The following CATIP variants were observed in gnomAD, a reference collection of about 807,000 sequenced individuals.
CATIP encodes the protein ciliogenesis-associated TTC17-interacting protein.
CATIP carries 40 observed loss-of-function variants against 42.5 expected under a neutral mutation model. That is an observed-to-expected ratio of 0.94 (90% CI 0.73 to 1.22). The LOEUF is 1.22. CATIP is among the 50% of genes most tolerant of loss of function. The probability of loss-of-function intolerance (pLI) is 0.00; values close to 1 mark genes in which losing one functional copy is unlikely to be tolerated. For missense variants in CATIP, 489 were observed against 496.0 expected (o/e 0.99, Z 0.13); for synonymous variants, 222 against 200.2 (o/e 1.11, Z -0.92).
chr2:218,360,412 A>T (rs1218046710), intron 4 of CATIP, among the ~76,000 whole-genome samples, 161 bp from the exon 5 acceptor site: 1 of 152,008 alleles, frequency 6.6e-6, no homozygotes, highest in Non-Finnish European at 1.5e-5. Flanking sequence ...GGCCTCCCAC[A>T]GTGCTAGGAT....
At chr2:218,362,242 A>G (rs1289496072) in intron 5 of CATIP, among the ~76,000 whole-genome samples, 1 of 151,530 alleles carries the variant, frequency 6.6e-6, no homozygotes, top group Non-Finnish European at 1.5e-5. Flanking sequence ...AATCCCAGCT[A>G]CTCAGGAGGC....
chr2:218,363,264 AG>A (rs770430689), intron 6 of CATIP, among the ~76,000 whole-genome samples: 81 of 146,108 alleles, frequency 5.5e-4, no homozygotes, highest in Non-Finnish European at 8.8e-4. Context: ...GCCGATCACA[AG>A]GTCAGGAGAT....
rs193069801 is a variant in CATIP, at chr2:218,366,591, G to A, written c.756-433G>A. The A allele has an allele frequency of 3.0e-3, 642 of 211,776 alleles. 3 individuals carry two copies. Among genetic ancestry groups the A allele is most frequent in the South Asian group, 4.6e-3 (81 of 17,444 alleles). The allele number at this position is 211,776 out of a possible 1,614,324, so 13.1% of individuals were successfully genotyped here. A position where few individuals can be genotyped will look rare whatever the true frequency, so the allele number is the denominator to read the frequency against. On this transcript the variant is annotated intron_variant, in intron 7 of 9. Coordinates refer to ENST00000289388, the MANE Select transcript of CATIP (RefSeq NM_198559.2). ...GAGGGAGGCAGAAGTAAAGAGGCCC[G>A]GGACAGGTCTCTCAAGGGGCACTGT...
In CATIP at chr2:218,367,478, A is replaced by G. The variant is rs1695493119; in HGVS notation, c.881A>G (p.Glu294Gly). 1.2e-6 allele frequency: 2 copies of G among 1,614,048 alleles called. No individual in the cohort carries two copies. Among genetic ancestry groups the G allele is most frequent in the African/African-American group, 1.3e-5 (1 of 74,918 alleles). ...TTTGAGAAGAAGCCCCTGGTATGGG[A>G]GGAGGATATGGAGCTCTATTCGAAG... is the stretch of plus-strand genomic sequence containing the variant. ...PVFEKKPLVWEEDMELYSKFL... is the reference protein window; with the variant it reads ...PVFEKKPLVWGEDMELYSKFL... Residue 294 changes from glutamate to glycine, a missense_variant, in exon 9 of 10, where the codon GAG (glutamate) becomes GGG (glycine). Coordinates refer to ENST00000289388, the MANE Select transcript of CATIP (RefSeq NM_198559.2).
Position 218,362,563 on chromosome 2 carries a change from C to A in CATIP, c.463-172C>A, listed in dbSNP as rs1482706254. Among the ~76,000 whole-genome samples, 12 of 151,236 alleles carry A rather than the reference C, an allele frequency of 7.9e-5. No homozygotes were observed. In the Admixed American group the frequency reaches 7.9e-4, roughly 10 times the overall value. ...CAGGAGATCGCTTGAACCAAGGAGG[C>A]GGAGGTTGCAGTGAGCTGAGACCAC... On this transcript the variant is annotated intron_variant, in intron 5 of 9. Transcript: ENST00000289388.
intron 8 of CATIP, 55 bp from the exon 9 acceptor site, chr2:218,367,375 T>C: frequency 6.7e-7 from 1 of 1,493,146 alleles, no homozygotes; most frequent in South Asian, 1.1e-5. Context: ...TCTCGCTGTG[T>C]ATCCAAGGAA....
At position 218,367,957 on chromosome 2, in the gene CATIP, C is replaced by G; in HGVS notation, c.1157C>G (p.Ala386Gly). ...LEPEGDARSG[A>G]A ...CCGGAGGGAGACGCCCGCTCGGGGG[C>G]GGCCTAAGCGGGGCCCAGGCCCGGA... The change falls in exon 10 of 10, where the codon GCG becomes GGG. Residue 386 changes from alanine (A) to glycine (G), a missense_variant. Ala to Gly is a moderately conservative substitution (Grantham distance 60). Coordinates refer to ENST00000289388, the MANE Select transcript of CATIP (RefSeq NM_198559.2). The G allele has an allele frequency of 1.9e-6, 3 of 1,577,462 alleles. No homozygotes were observed. Among genetic ancestry groups the G allele is most frequent in the Non-Finnish European group, 2.6e-6 (3 of 1,166,220 alleles).
chr2:218,357,703 G>C lies in CATIP; in HGVS notation c.288G>C (p.Leu96Phe), dbSNP rs137894462. The change falls in exon 3 of 10, where the codon TTG becomes TTC. Residue 96 changes from leucine (L) to phenylalanine (F), a missense_variant. Coordinates refer to ENST00000289388, the MANE Select transcript of CATIP (RefSeq NM_198559.2). ...TGCATGCCTCTAGCCGAGGCTTCTTGGACAAAATGCTCTGCGGAAATTCCC... is the reference window on the plus strand; with the variant it reads ...TGCATGCCTCTAGCCGAGGCTTCTTCGACAAAATGCTCTGCGGAAATTCCC... Reference protein sequence around the residue: ...LFVHASSRGFLDKMLCGNSLL... With the variant: ...LFVHASSRGFFDKMLCGNSLL... 12 of 1,613,824 alleles carry C rather than the reference G, an allele frequency of 7.4e-6. No homozygotes were observed. The African/African-American group carries it at 1.6e-4, about 22-fold the overall frequency.
At chr2:218,361,423 C>G (rs1179400796) in intron 5 of CATIP, among the ~76,000 whole-genome samples, 1 of 151,860 alleles carries the variant, frequency 6.6e-6, no homozygotes, top group Non-Finnish European at 1.5e-5. Context: ...CAGGACAACT[C>G]GAGGCAGGGA....
intron 8 of CATIP, 137 bp from the exon 9 acceptor site, chr2:218,367,293 T>C (rs1296949179): frequency 1.1e-6 from 1 of 877,560 alleles, no homozygotes; most frequent in Non-Finnish European, 1.8e-6. Context: ...TGGAAGTCCC[T>C]TCCTGCAACT....
Position 218,357,290 on chromosome 2 carries a change from T to TCTCTCTCTC in CATIP, c.118+103_118+104insCTCTCTCTC, listed in dbSNP as rs3055278. 1,127 of 842,376 alleles carry TCTCTCTCTC rather than the reference T, an allele frequency of 1.3e-3. 2 individuals carry two copies. Among genetic ancestry groups the TCTCTCTCTC allele is most frequent in the Non-Finnish European group, 1.7e-3 (919 of 541,022 alleles). The allele number at this position is 842,376 out of a possible 1,614,324, so 52.2% of individuals were successfully genotyped here. A position where few individuals can be genotyped will look rare whatever the true frequency, so the allele number is the denominator to read the frequency against. On this transcript the variant is annotated intron_variant, in intron 2 of 9. Coordinates refer to ENST00000289388, the MANE Select transcript of CATIP (RefSeq NM_198559.2). ...CTCTCTCTCTCTCTCTCTCTCTCTCTTCCTTGATTCTCCTGGGACTCAGAA... is the reference window on the plus strand; with the variant it reads ...CTCTCTCTCTCTCTCTCTCTCTCTCTCTCTCTCTCTCCTTGATTCTCCTGGGACTCAGAA...
intron 9 of CATIP, 93 bp from the exon 10 acceptor site, chr2:218,367,629 A>C: frequency 6.3e-7 from 1 of 1,590,366 alleles, no homozygotes; most frequent in Non-Finnish European, 8.6e-7. Flanking sequence ...AGAAGGCTCC[A>C]GCGCCCCTTA....
At chr2:218,359,341 C>CAAAAA (rs140677940) in intron 4 of CATIP, among the ~76,000 whole-genome samples, 8 of 79,698 alleles carry the variant, frequency 1.0e-4, no homozygotes, top group South Asian at 1.0e-3. Context: ...GACTCTGTCT[C>CAAAAA]AAAAAAAAAA....
In CATIP at chr2:218,360,675, A is replaced by G. The variant is rs1429040131; in HGVS notation, c.462+16A>G. 1 of 1,588,890 alleles carries G rather than the reference A, an allele frequency of 6.3e-7. No homozygotes were observed. On this transcript the variant is annotated intron_variant, in intron 5 of 9. Transcript: ENST00000289388. Reference sequence around the variant, plus strand: ...GGAGGGTGAGGTAAGGATGAGAGCCAGATGGGAGTTGCACTACACACTGTG... The same window carrying G: ...GGAGGGTGAGGTAAGGATGAGAGCCGGATGGGAGTTGCACTACACACTGTG...
chr2:218,362,171 A>G (rs1421089259), intron 5 of CATIP, among the ~76,000 whole-genome samples: 2 of 151,940 alleles, frequency 1.3e-5, no homozygotes. Context: ...CCTGGCCAAT[A>G]TGGTGAAATC....
intron 5 of CATIP, among the ~76,000 whole-genome samples, 165 bp from the exon 6 acceptor site, chr2:218,362,570 T>C (rs1276572348): frequency 1.3e-5 from 2 of 151,944 alleles, no homozygotes; most frequent in South Asian, 4.1e-4. Context: ...AGGCGGAGGT[T>C]GCAGTGAGCT....
intron 4 of CATIP, among the ~76,000 whole-genome samples, 187 bp downstream of exon 4, chr2:218,358,279 C>T (rs528226648): frequency 8.5e-5 from 13 of 152,132 alleles, no homozygotes; most frequent in African/African-American, 2.4e-4. Context: ...TTTTAAAACA[C>T]GGGGGTGGGC....
At position 218,367,070 on chromosome 2, in the gene CATIP, A is replaced by G. The variant is rs1336275427; in HGVS notation, c.802A>G (p.Ile268Val). 6.2e-7 allele frequency: 1 copy of G among 1,613,746 alleles called. No individual in the cohort carries two copies. Among genetic ancestry groups the G allele is most frequent in the African/African-American group, 1.3e-5 (1 of 75,042 alleles). The change falls in exon 8 of 10, where the codon ATC (isoleucine) becomes GTC (valine). Residue 268 changes from isoleucine (I) to valine (V), a missense_variant. By Grantham distance (29) the Ile-to-Val change is conservative (BLOSUM62 3). Transcript: ENST00000289388. Reference sequence around the variant, plus strand: ...GGTGGGCTCCCCAGGGTGCTGCATCATCACCAAGATGCCCATCTTGAGGGA... The same window carrying G: ...GGTGGGCTCCCCAGGGTGCTGCATCGTCACCAAGATGCCCATCTTGAGGGA... Reference protein sequence around the residue: ...IQVGSPGCCIITKMPILREED... With the variant: ...IQVGSPGCCIVTKMPILREED...
Position 218,367,703 on chromosome 2 carries a change from G to T in CATIP, c.922-19G>T. On this transcript the variant is annotated intron_variant, in intron 9 of 9. Coordinates refer to ENST00000289388, the MANE Select transcript of CATIP (RefSeq NM_198559.2). The stretch of plus-strand genomic sequence containing the variant: ...CGGGGGTCCCGTCCGGCTGAGGCTC[G>T]GGCTCTGTCCCCTGCCAGGAGGAGC... The T allele has an allele frequency of 6.3e-7, 1 of 1,583,560 alleles. No homozygotes were observed. The highest frequency in any genetic ancestry group is 2.3e-5 in the East Asian group (1 of 43,176).
Sources: gnomAD v4.1 joint callset for allele counts (sites outside exome capture counted in the v4.1 genomes callset) on GRCh38, gnomAD v4.1.1 for gene constraint, MANE v1.5 for transcripts, NCBI Gene and HGNC (gene_info 2026-07-23, HGNC 2026-07-21) for gene names.